Variants in TENM3 observed in about 807,000 individuals in gnomAD.
The protein encoded by TENM3 is teneurin transmembrane protein 3.
A neutral mutation model predicts 255.1 loss-of-function variants in TENM3; 63 were observed. The ratio of observed to expected loss-of-function variants is 0.25; its 90% CI spans 0.20 to 0.30. The LOEUF is 0.30. Ranked by LOEUF, TENM3 falls within the 10% of genes least tolerant of loss-of-function variation. The pLI is 1.00. For missense variants in TENM3, 2,929 were observed against 3,461.1 expected (o/e 0.85, Z 3.86); for synonymous variants, 1,306 against 1,322.3 (o/e 0.99, Z 0.27).
chr4:181,654,579 C>T, the TENM3 span, among the ~76,000 whole-genome samples: 7 of 151,938 alleles, frequency 4.6e-5, no homozygotes, highest in Non-Finnish European at 7.4e-5. Flanking sequence ...CATGGTGAAA[C>T]CCCGTCTCTA....
At chr4:182,456,404 T>A (rs1041859875) in intron 3 of TENM3, among the ~76,000 whole-genome samples, 2 of 152,240 alleles carry the variant, frequency 1.3e-5, no homozygotes, top group African/African-American at 4.8e-5. Flanking sequence ...CCTTTTGGCT[T>A]AATGCCTCCA....
At chr4:182,375,850 C>T (rs1023455859) in intron 3 of TENM3, among the ~76,000 whole-genome samples, 13 of 152,036 alleles carry the variant, frequency 8.6e-5, no homozygotes, top group African/African-American at 2.9e-4. Flanking sequence ...GGCTGGGAAC[C>T]GCATGTTGTG....
intron 1 of TENM3, among the ~76,000 whole-genome samples, chr4:182,220,204 C>T (rs944726871): frequency 2.6e-5 from 4 of 151,930 alleles, no homozygotes; most frequent in African/African-American, 4.8e-5. Context: ...TGGTGAAACT[C>T]TGTCTCTACT....
At chr4:182,273,003 T>C (rs573728266) in intron 1 of TENM3, among the ~76,000 whole-genome samples, 8 of 152,276 alleles carry the variant, frequency 5.3e-5, no homozygotes, top group African/African-American at 1.9e-4. Flanking sequence ...AGACAGTTGA[T>C]TGTGAGTTAG....
intron 1 of TENM3, among the ~76,000 whole-genome samples, chr4:182,165,340 C>A (rs1042650280): frequency 6.6e-6 from 1 of 152,144 alleles, no homozygotes; most frequent in Non-Finnish European, 1.5e-5. Context: ...TGCTGAGGAC[C>A]AAAAAGTTAC....
chr4:182,186,545 T>C (rs923482411), intron 1 of TENM3, among the ~76,000 whole-genome samples: 20 of 151,140 alleles, frequency 1.3e-4, no homozygotes, highest in Non-Finnish European at 2.8e-4. Context: ...ACTTCTTACA[T>C]TTATTACATG....
At chr4:181,620,318 T>G in the TENM3 span, among the ~76,000 whole-genome samples, 1 of 152,074 alleles carries the variant, frequency 6.6e-6, no homozygotes, top group African/African-American at 2.4e-5. Flanking sequence ...AATCTTTTGG[T>G]GTACACGGGG....
the TENM3 span, among the ~76,000 whole-genome samples, chr4:181,641,731 T>TTATA: frequency 8.4e-6 from 1 of 119,648 alleles, no homozygotes; most frequent in Non-Finnish European, 1.7e-5. Flanking sequence ...GTATAATAAA[T>TTATA]TATATATATA....
At chr4:182,392,840 C>T (rs1032821171) in intron 3 of TENM3, among the ~76,000 whole-genome samples, 2 of 152,116 alleles carry the variant, frequency 1.3e-5, no homozygotes, top group African/African-American at 2.4e-5. Flanking sequence ...CTAGGAGAAG[C>T]TGTCTGAGCT....
intron 3 of TENM3, among the ~76,000 whole-genome samples, chr4:182,347,870 A>T (rs1580242030): frequency 6.6e-6 from 1 of 152,204 alleles, no homozygotes; most frequent in African/African-American, 2.4e-5. Context: ...AGCAAAGAGA[A>T]AATTAAAATG....
chr4:181,590,980 T>C, the TENM3 span, among the ~76,000 whole-genome samples: 1 of 152,252 alleles, frequency 6.6e-6, no homozygotes, highest in Admixed American at 6.5e-5. Flanking sequence ...TCCTTACTTA[T>C]ATTGATATTA....
the TENM3 span, among the ~76,000 whole-genome samples, chr4:181,728,362 G>A: frequency 0.82 from 124,170 of 152,138 alleles, 50,888 homozygotes; most frequent in Admixed American, 0.87. Flanking sequence ...TGGCTACTCC[G>A]CAGGCAGAGC....
chr4:182,714,126 C>A lies in TENM3; in HGVS notation c.2261C>A (p.Thr754Asn). The change falls in exon 13 of 28, where the codon ACC (threonine) becomes AAC (asparagine). Residue 754 changes from threonine (T) to asparagine (N), a missense_variant. Physicochemically the swap from Thr to Asn is moderately conservative, Grantham distance 65. Transcript: ENST00000511685. Reference protein sequence around the residue: ...PGLCNSNGRCTLDQNGWHCVC... With the variant: ...PGLCNSNGRCNLDQNGWHCVC... ...CTGTGCAACAGCAATGGAAGATGTA[C>A]CCTGGACCAAAATGGCTGGCATTGT... The A allele has an allele frequency of 6.2e-7, 1 of 1,613,788 alleles. No individual in the cohort carries two copies. Among genetic ancestry groups the A allele is most frequent in the Non-Finnish European group, 8.5e-7 (1 of 1,179,790 alleles).
the TENM3 span, among the ~76,000 whole-genome samples, chr4:181,669,993 C>A: frequency 1.3e-5 from 2 of 152,102 alleles, no homozygotes; most frequent in African/African-American, 2.4e-5. Context: ...CGTTAAAGGG[C>A]AGTTTACAAT....
At chr4:182,139,112 A>C (rs1425480268), upstream of TENM3, among the ~76,000 whole-genome samples, 1 of 152,118 alleles carries the variant, frequency 6.6e-6, no homozygotes, top group Non-Finnish European at 1.5e-5. Context: ...GTGTCCAAAG[A>C]GGCATAAGGT....
intron 1 of TENM3, among the ~76,000 whole-genome samples, chr4:182,288,924 T>C (rs1245785611): frequency 6.6e-6 from 1 of 152,160 alleles, no homozygotes; most frequent in Admixed American, 6.5e-5. Flanking sequence ...TGGCCACCGA[T>C]TTTAAAGATT....
intron 4 of TENM3, among the ~76,000 whole-genome samples, chr4:182,608,810 G>C (rs1414058066): frequency 6.6e-6 from 1 of 152,158 alleles, no homozygotes. Flanking sequence ...AGGGGTCCTA[G>C]GAGGCCCCGG....
chr4:181,703,776 T>C, the TENM3 span, among the ~76,000 whole-genome samples: 2 of 148,758 alleles, frequency 1.3e-5, no homozygotes, highest in Non-Finnish European at 1.5e-5. Flanking sequence ...TCCTCTTTAA[T>C]GGATGGAAGT....
chr4:182,295,007 G>T (rs1298227754), intron 1 of TENM3, among the ~76,000 whole-genome samples: 1 of 151,834 alleles, frequency 6.6e-6, no homozygotes, highest in Non-Finnish European at 1.5e-5. Flanking sequence ...GAGTGGGTGG[G>T]GGCAGGGGCT....
Sources: gnomAD v4.1 joint callset for allele counts (sites outside exome capture counted in the v4.1 genomes callset) on GRCh38, gnomAD v4.1.1 for gene constraint, MANE v1.5 for transcripts, NCBI Gene and HGNC (gene_info 2026-07-23, HGNC 2026-07-21) for gene names.